Variants in CAMK2D observed in about 807,000 individuals in gnomAD.
CAMK2D encodes calcium/calmodulin dependent protein kinase II delta.
Under a neutral mutation model 84.0 loss-of-function variants are expected in CAMK2D, and 37 were observed. That is an observed-to-expected ratio of 0.44 (90% CI 0.34 to 0.58). The LOEUF is 0.58. CAMK2D is among the 20% of genes least tolerant of loss of function. The pLI is 0.02. For missense variants in CAMK2D, 448 were observed against 652.5 expected (o/e 0.69, Z 3.41); for synonymous variants, 202 against 212.5 (o/e 0.95, Z 0.43).
At chr4:113,485,452 A>T (rs113515113) in intron 16 of CAMK2D, among the ~76,000 whole-genome samples, 1 of 152,342 alleles carries the variant, frequency 6.6e-6, no homozygotes, top group Non-Finnish European at 1.5e-5. Context: ...GTCCTTTATC[A>T]TTAGCCTACA....
At chr4:113,460,007 A>C in intron 18 of CAMK2D, 140 bp downstream of exon 18, 1 of 629,064 alleles carries the variant, frequency 1.6e-6, no homozygotes, top group Non-Finnish European at 2.9e-6. Flanking sequence ...TTCAATTTTG[A>C]ATACAAAACC....
At chr4:113,602,146 G>GC (rs1014881959) in intron 4 of CAMK2D, among the ~76,000 whole-genome samples, 2 of 151,794 alleles carry the variant, frequency 1.3e-5, no homozygotes, top group African/African-American at 4.8e-5. Context: ...ACTGGGCTAA[G>GC]CTATCTCTAA....
At chr4:113,582,787 G>A (rs760113705) in intron 4 of CAMK2D, among the ~76,000 whole-genome samples, 5 of 152,216 alleles carry the variant, frequency 3.3e-5, no homozygotes, top group Non-Finnish European at 7.3e-5. Context: ...AGTATATACA[G>A]TAGACACTTA....
chr4:113,563,192 T>C (rs1166806849), intron 4 of CAMK2D, among the ~76,000 whole-genome samples: 2 of 152,004 alleles, frequency 1.3e-5, no homozygotes, highest in Non-Finnish European at 2.9e-5. Flanking sequence ...AGGTGGAGGT[T>C]GCAGTGAGCC....
intron 2 of CAMK2D, among the ~76,000 whole-genome samples, chr4:113,708,405 T>C (rs1367374956): frequency 8.6e-5 from 13 of 151,724 alleles, no homozygotes; most frequent in Admixed American, 8.5e-4. Context: ...GGCTGGAGAG[T>C]CTCCAACTGA....
chr4:113,596,222 C>T (rs888812746), intron 4 of CAMK2D, among the ~76,000 whole-genome samples: 1 of 152,218 alleles, frequency 6.6e-6, no homozygotes, highest in African/African-American at 2.4e-5. Context: ...GCAGTCACAT[C>T]TGCAGATTAC....
intron 2 of CAMK2D, among the ~76,000 whole-genome samples, chr4:113,756,019 T>A (rs1048343200): frequency 2.6e-5 from 4 of 152,010 alleles, no homozygotes; most frequent in Non-Finnish European, 5.9e-5. Flanking sequence ...TATATGAGTG[T>A]ACCCATCTAC....
chr4:113,508,278 CCAGT>C (rs1399058676), intron 13 of CAMK2D: 9 of 1,538,194 alleles, frequency 5.9e-6, no homozygotes, highest in East Asian at 2.4e-5. Flanking sequence ...TCTGAATTGA[CCAGT>C]CAAAGAGAAA....
intron 3 of CAMK2D, among the ~76,000 whole-genome samples, chr4:113,641,571 A>G (rs1301484620): frequency 6.6e-6 from 1 of 152,234 alleles, no homozygotes; most frequent in Non-Finnish European, 1.5e-5. Flanking sequence ...GGGAGCCTAG[A>G]GAGCTACAGA....
chr4:113,484,858 A>G (rs1473011163), intron 16 of CAMK2D, among the ~76,000 whole-genome samples: 2 of 152,162 alleles, frequency 1.3e-5, no homozygotes, highest in African/African-American at 4.8e-5. Flanking sequence ...CTGCAGATGT[A>G]AGATTAGACT....
At chr4:113,470,323 AT>A (rs1006011860) in intron 16 of CAMK2D, among the ~76,000 whole-genome samples, 1 of 151,892 alleles carries the variant, frequency 6.6e-6, no homozygotes, top group Non-Finnish European at 1.5e-5. Flanking sequence ...CTTTTATCAG[AT>A]CTCAATTCAA....
intron 16 of CAMK2D, 149 bp from the exon 17 acceptor site, chr4:113,465,753 C>T: frequency 1.7e-6 from 1 of 599,726 alleles, no homozygotes; most frequent in South Asian, 2.0e-5. Context: ...CAGCCTTGAC[C>T]TCCTGGGCTC....
At chr4:113,705,928 T>C (rs868086494) in intron 2 of CAMK2D, among the ~76,000 whole-genome samples, 1 of 152,096 alleles carries the variant, frequency 6.6e-6, no homozygotes, top group Non-Finnish European at 1.5e-5. Context: ...TCCAAAAACC[T>C]GTAACACCAT....
chr4:113,585,675 A>G (rs1591566340), intron 4 of CAMK2D, among the ~76,000 whole-genome samples: 2 of 13,708 alleles, frequency 1.5e-4, no homozygotes, highest in South Asian at 3.2e-3. Flanking sequence ...ATAGATTAGT[A>G]TATATATAGT....
intron 4 of CAMK2D, among the ~76,000 whole-genome samples, chr4:113,566,075 A>G (rs556286910): frequency 6.6e-6 from 1 of 152,106 alleles, no homozygotes; most frequent in Non-Finnish European, 1.5e-5. Flanking sequence ...AGTTGCCACT[A>G]AGAATAGGAG....
At chr4:113,500,004 C>T (rs34950209) in intron 16 of CAMK2D, among the ~76,000 whole-genome samples, 6 of 145,524 alleles carry the variant, frequency 4.1e-5, no homozygotes, top group African/African-American at 1.3e-4. Flanking sequence ...GATAAAAAGG[C>T]GGCCAAATAG....
intron 4 of CAMK2D, among the ~76,000 whole-genome samples, chr4:113,592,143 C>T (rs1043803590): frequency 2.0e-5 from 3 of 151,966 alleles, no homozygotes; most frequent in Non-Finnish European, 4.4e-5. Context: ...AACTGCAAGC[C>T]GACAGCAGAA....
intron 4 of CAMK2D, among the ~76,000 whole-genome samples, chr4:113,561,006 A>AG (rs1411761451): frequency 6.6e-6 from 1 of 152,172 alleles, no homozygotes. Flanking sequence ...TACATAAATG[A>AG]GGAAGAGTTG....
intron 16 of CAMK2D, among the ~76,000 whole-genome samples, chr4:113,467,950 A>ATT (rs11463763): frequency 0.11 from 17,092 of 149,858 alleles, 1,284 homozygotes; most frequent in African/African-American, 0.22. Flanking sequence ...AAACTAACAG[A>ATT]TTTTTTTTTT....
Sources: gnomAD v4.1 joint callset for allele counts (sites outside exome capture counted in the v4.1 genomes callset) on GRCh38, gnomAD v4.1.1 for gene constraint, MANE v1.5 for transcripts, NCBI Gene and HGNC (gene_info 2026-07-23, HGNC 2026-07-21) for gene names.